HERC4: variants seen among roughly 807,000 people sequenced by gnomAD.
HERC4 encodes probable E3 ubiquitin-protein ligase HERC4.
Under a neutral mutation model 124.3 loss-of-function variants are expected in HERC4, and 28 were observed. That is an observed-to-expected ratio of 0.23 (90% CI 0.17 to 0.31). HERC4 has a LOEUF of 0.31. Ranked by LOEUF, HERC4 falls within the 10% of genes least tolerant of loss-of-function variation. HERC4 has a pLI of 1.00. For missense variants in HERC4, 713 were observed against 1,229.3 expected, an observed-to-expected ratio of 0.58 and a Z score of 6.28; for synonymous variants, 407 against 421.5, an observed-to-expected ratio of 0.97 and a Z score of 0.42.
intron 4 of HERC4, chr10:68,040,429 G>T (rs1356414349): frequency 1.1e-6 from 1 of 890,516 alleles, no homozygotes; most frequent in Admixed American, 6.2e-5. Context: ...AAAATACTGT[G>T]AATGGTAAAA....
chr10:67,925,487 G>C (rs1300137900), intron 23 of HERC4, among the ~76,000 whole-genome samples: 1 of 152,094 alleles, frequency 6.6e-6, no homozygotes, highest in African/African-American at 2.4e-5. Context: ...GTCTGACATG[G>C]AATTATCTGT....
chr10:67,936,146 C>G lies in HERC4; in HGVS notation c.2654+7G>C, dbSNP rs1211133178. 1 of 1,563,406 alleles carries G rather than the reference C, an allele frequency of 6.4e-7. No homozygotes were observed. Among genetic ancestry groups the G allele is most frequent in the Non-Finnish European group, 8.6e-7 (1 of 1,156,128 alleles). On this transcript the variant is annotated splice_region_variant and intron_variant, in intron 22 of 24. Transcript: ENST00000373700. ...TACTCCCACTGTTGCTGCTAAAATT[C>G]ACTTACCGATTTTGTTTGTTAACAG...
At chr10:67,932,477 G>A in intron 23 of HERC4, 120 bp downstream of exon 23, 1 of 765,172 alleles carries the variant, frequency 1.3e-6, no homozygotes, top group Non-Finnish European at 2.1e-6. Context: ...GAAGGGTAGA[G>A]TGCTTTCCTG....
chr10:68,044,348 T>C, intron 4 of HERC4, 56 bp downstream of exon 4: 1 of 1,533,948 alleles, frequency 6.5e-7, no homozygotes, highest in Admixed American at 2.1e-5. Context: ...ACAATTTAGA[T>C]TAACAAATTT....
intron 19 of HERC4, among the ~76,000 whole-genome samples, chr10:67,947,195 T>G (rs754652750): frequency 6.6e-6 from 1 of 152,204 alleles, no homozygotes; most frequent in African/African-American, 2.4e-5. Flanking sequence ...AACATACGGA[T>G]GGACCATATA....
intron 15 of HERC4, among the ~76,000 whole-genome samples, chr10:67,977,124 C>G (rs1201152594): frequency 6.6e-6 from 1 of 152,182 alleles, no homozygotes; most frequent in Non-Finnish European, 1.5e-5. Context: ...GGCTGCACAG[C>G]TTGTGGCTCC....
At chr10:67,979,793 C>T (rs1028018336) in intron 15 of HERC4, among the ~76,000 whole-genome samples, 32 of 152,010 alleles carry the variant, frequency 2.1e-4, no homozygotes, top group Admixed American at 1.8e-3. Context: ...AAAAATTAGC[C>T]GGGTGTGGCG....
chr10:68,035,049 T>A (rs1026553327), intron 5 of HERC4, among the ~76,000 whole-genome samples: 4 of 152,130 alleles, frequency 2.6e-5, no homozygotes, highest in African/African-American at 9.7e-5. Flanking sequence ...ACTGATACAC[T>A]AATAACTGAT....
At chr10:68,056,338 A>G (rs1461534124) in intron 3 of HERC4, among the ~76,000 whole-genome samples, 2 of 152,158 alleles carry the variant, frequency 1.3e-5, no homozygotes, top group East Asian at 3.9e-4. Flanking sequence ...AATAAAATAC[A>G]TTGATCATGT....
intron 9 of HERC4, chr10:68,010,532 C>A: frequency 1.0e-6 from 1 of 956,180 alleles, no homozygotes; most frequent in Admixed American, 2.0e-5. Flanking sequence ...GCAGTGTGGG[C>A]TTCAGGCGCT....
chr10:68,018,831 AC>A (rs2038420494), intron 8 of HERC4, among the ~76,000 whole-genome samples: 1 of 151,804 alleles, frequency 6.6e-6, no homozygotes, highest in Non-Finnish European at 1.5e-5. Flanking sequence ...AGTTAATATT[AC>A]AAAGATAACA....
At chr10:68,010,267 C>T (rs746393290) in intron 9 of HERC4, 45 of 1,006,658 alleles carry the variant, frequency 4.5e-5, no homozygotes, top group Non-Finnish European at 6.5e-5. Flanking sequence ...CACTAAGGAA[C>T]ACAGTGCAGT....
chr10:68,056,160 C>T (rs1279658011), intron 3 of HERC4, among the ~76,000 whole-genome samples: 1 of 152,160 alleles, frequency 6.6e-6, no homozygotes, highest in East Asian at 1.9e-4. Context: ...TAATACAATA[C>T]AGTCATATAG....
intron 3 of HERC4, among the ~76,000 whole-genome samples, chr10:68,061,248 G>A (rs2040994853): frequency 6.6e-6 from 1 of 152,106 alleles, no homozygotes; most frequent in Non-Finnish European, 1.5e-5. Context: ...CTGGAGGGAA[G>A]TCCTGAAGTC....
chr10:68,054,481 G>A (rs1013241366), intron 3 of HERC4, among the ~76,000 whole-genome samples: 11 of 150,624 alleles, frequency 7.3e-5, no homozygotes, highest in Middle Eastern at 3.2e-3. Flanking sequence ...AGCTAACCAC[G>A]CCCAGCCGGC....
intron 3 of HERC4, among the ~76,000 whole-genome samples, chr10:68,061,961 G>C (rs10823128): frequency 7.0e-6 from 1 of 143,492 alleles, no homozygotes; most frequent in Non-Finnish European, 1.5e-5. Context: ...CAACCATTTA[G>C]ATTACTTTAA....
chr10:67,930,172 C>T (rs1333720666), intron 23 of HERC4, among the ~76,000 whole-genome samples: 2 of 152,158 alleles, frequency 1.3e-5, no homozygotes, highest in African/African-American at 4.8e-5. Context: ...AGTAGGTTTA[C>T]CCATTCACCC....
At chr10:67,946,348 A>AACACACACACACAC (rs58692888) in intron 19 of HERC4, among the ~76,000 whole-genome samples, 21 of 128,516 alleles carry the variant, frequency 1.6e-4, no homozygotes, top group East Asian at 2.4e-4. Flanking sequence ...ATAAAACACA[A>AACACACACACACAC]ACACACACAC....
At chr10:67,972,911 T>C (rs1196254889) in intron 15 of HERC4, among the ~76,000 whole-genome samples, 1 of 152,224 alleles carries the variant, frequency 6.6e-6, no homozygotes, top group Non-Finnish European at 1.5e-5. Flanking sequence ...TATAGAATTA[T>C]AGTTAACTTC....
Sources: gnomAD v4.1 joint callset for allele counts (sites outside exome capture counted in the v4.1 genomes callset) on GRCh38, gnomAD v4.1.1 for gene constraint, MANE v1.5 for transcripts, NCBI Gene and HGNC (gene_info 2026-07-23, HGNC 2026-07-21) for gene names.